Variants in E2F6 observed in about 807,000 individuals in gnomAD.
The protein encoded by E2F6 is transcription factor E2F6.
Under a neutral mutation model 31.5 loss-of-function variants are expected in E2F6, and 19 were observed. That is an observed-to-expected ratio of 0.60 (90% CI 0.42 to 0.89). E2F6 has a LOEUF of 0.89. E2F6 is among the 40% of genes least tolerant of loss of function. The probability of loss-of-function intolerance (pLI) is 0.00; values close to 1 mark genes in which losing one functional copy is unlikely to be tolerated. For missense variants in E2F6, 269 were observed against 341.6 expected, an observed-to-expected ratio of 0.79 and a Z score of 1.67; for synonymous variants, 121 against 127.7, an observed-to-expected ratio of 0.95 and a Z score of 0.36.
chr2:11,465,849 G>C lies in E2F6; in HGVS notation c.31C>G (p.Pro11Ala), dbSNP rs1672171008. MSQQRPARKL[P>A]SLLLDPTEET... ...TCCGTCGGGTCCAGGAGGAGACTGG[G>C]TAACTTCCTCGCCGGCCGCTGCTGA... The change falls in exon 1 of 7, where the codon CCC becomes GCC. Residue 11 changes from proline to alanine, a missense_variant. Coordinates refer to ENST00000381525, the MANE Select transcript of E2F6 (RefSeq NM_198256.4). The C allele has an allele frequency of 6.3e-7, 1 of 1,582,278 alleles. No individual in the cohort carries two copies. The highest frequency in any genetic ancestry group is 8.6e-7 in the Non-Finnish European group (1 of 1,165,252).
At chr2:11,453,047 A>G (rs1482897762) in intron 3 of E2F6, among the ~76,000 whole-genome samples, 1 of 152,256 alleles carries the variant, frequency 6.6e-6, no homozygotes, top group Non-Finnish European at 1.5e-5. Context: ...TTCTAGGTAC[A>G]ACAGCATTCT....
intron 1 of E2F6, among the ~76,000 whole-genome samples, chr2:11,461,532 T>C (rs973168179): frequency 2.0e-5 from 3 of 152,176 alleles, no homozygotes; most frequent in African/African-American, 4.8e-5. Context: ...TTTGTATTTT[T>C]AGTAGAAACG....
chr2:11,450,099 A>G lies in E2F6; in HGVS notation c.564T>C (p.Ile188=). The change falls in exon 5 of 7, where the codon ATT becomes ATC. Residue 188 remains isoleucine, a synonymous_variant. Transcript: ENST00000381525. ...ERLAYVTYQD[I]HSIQAFHEQI... is the part of the protein sequence containing the mutation. ...GTTCATGGAAGGCCTGAATGCTATG[A>G]ATGTCTTGATAGGTCACATATGCTA... The G allele has an allele frequency of 2.5e-6, 4 of 1,613,178 alleles. No homozygotes were observed. The South Asian group carries it at 4.4e-5, about 18-fold the overall frequency.
chr2:11,446,613 GACT>G (rs1383570530), intron 6 of E2F6, 90 bp from the exon 7 acceptor site: 14 of 1,085,304 alleles, frequency 1.3e-5, no homozygotes, highest in Admixed American at 2.0e-5. Flanking sequence ...TACACAATCT[GACT>G]ACTTCAGAAA....
intron 2 of E2F6, among the ~76,000 whole-genome samples, chr2:11,456,558 G>A (rs1671416574): frequency 6.6e-6 from 1 of 152,178 alleles, no homozygotes; most frequent in Non-Finnish European, 1.5e-5. Context: ...AAAGGTCATT[G>A]TGACAATCCA....
At chr2:11,449,249 G>A (rs373989210) in intron 5 of E2F6, among the ~76,000 whole-genome samples, 2 of 152,198 alleles carry the variant, frequency 1.3e-5, no homozygotes, top group East Asian at 1.9e-4. Flanking sequence ...CATACACTGT[G>A]GAGTAATACA....
At chr2:11,463,916 T>C (rs1671941155) in intron 1 of E2F6, among the ~76,000 whole-genome samples, 1 of 126,442 alleles carries the variant, frequency 7.9e-6, no homozygotes, top group African/African-American at 2.9e-5. Flanking sequence ...GCCACTGCAC[T>C]CCAGCCAGGG....
chr2:11,453,484 AT>A (rs1671199975), intron 3 of E2F6, 97 bp downstream of exon 3: 1 of 1,127,430 alleles, frequency 8.9e-7, no homozygotes, highest in Non-Finnish European at 1.3e-6. Flanking sequence ...GTACCTTTGT[AT>A]TATATTGTCA....
intron 1 of E2F6, among the ~76,000 whole-genome samples, chr2:11,464,859 G>A (rs953997597): frequency 6.6e-6 from 1 of 152,122 alleles, no homozygotes; most frequent in East Asian, 1.9e-4. Flanking sequence ...AGGGGAACCA[G>A]GCATAATGAC....
Position 11,445,352 on chromosome 2 carries a change from G to C in E2F6, c.*1125C>G, listed in dbSNP as rs1670655869. 6.6e-6 allele frequency: 1 copy of C among 152,602 alleles called. No homozygotes were observed. Among genetic ancestry groups the C allele is most frequent in the African/African-American group, 2.4e-5 (1 of 41,452 alleles). 9.5% of individuals were successfully genotyped at this position (152,602 alleles called of 1,614,324 possible). A position where few individuals can be genotyped will look rare whatever the true frequency, so the allele number is the denominator to read the frequency against. On this transcript the variant is annotated 3_prime_UTR_variant, in exon 7 of 7. Transcript: ENST00000381525. ...AGGGCCAGGCATGGTGTGAGGCACT[G>C]GGATGTAACAGTGATTATGACAAAG...
chr2:11,458,734 T>A (rs570755979), intron 1 of E2F6, among the ~76,000 whole-genome samples: 34 of 152,242 alleles, frequency 2.2e-4, no homozygotes, highest in Non-Finnish European at 4.6e-4. Context: ...GATTTCCTTA[T>A]CATCTATGAC....
At chr2:11,454,791 CT>C (rs1381744177) in intron 2 of E2F6, among the ~76,000 whole-genome samples, 1 of 152,156 alleles carries the variant, frequency 6.6e-6, no homozygotes, top group African/African-American at 2.4e-5. Context: ...CACATTCACA[CT>C]TGTGTGCCAA....
intron 1 of E2F6, 73 bp downstream of exon 1, chr2:11,465,699 T>TGGC: frequency 6.7e-7 from 1 of 1,490,630 alleles, no homozygotes; most frequent in Non-Finnish European, 9.1e-7. Context: ...CCAGCGGGGT[T>TGGC]GGCGGCGGCG....
chr2:11,453,439 G>A (rs1671197228), intron 3 of E2F6, 143 bp downstream of exon 3: 1 of 811,008 alleles, frequency 1.2e-6, no homozygotes. Context: ...GATGATGCAA[G>A]AAAATTTTAT....
At chr2:11,458,244 C>T in intron 1 of E2F6, 1 of 1,550,000 alleles carries the variant, frequency 6.5e-7, no homozygotes. Flanking sequence ...AGAGAATCAA[C>T]AGCAGTACTA....
In E2F6 at chr2:11,445,051, C is replaced by G. The variant is rs1670638525; in HGVS notation, c.*1426G>C. On this transcript the variant is annotated 3_prime_UTR_variant, in exon 7 of 7. Transcript: ENST00000381525. ...GACTGCTGCAGGAAGGGCTGGTGCT[C>G]AGCAGAGGGACAGGACTGGCAAAAG... is the stretch of plus-strand genomic sequence containing the variant. 1 of 152,242 alleles carries G rather than the reference C, an allele frequency of 6.6e-6. No homozygotes were observed. Among genetic ancestry groups the G allele is most frequent in the East Asian group, 1.9e-4 (1 of 5,202 alleles). The allele number at this position is 152,242 out of a possible 1,614,324, so 9.4% of individuals were successfully genotyped here. A position where few individuals can be genotyped will look rare whatever the true frequency, so the allele number is the denominator to read the frequency against.
Position 11,445,827 on chromosome 2 carries a change from G to C in E2F6, c.*650C>G, listed in dbSNP as rs1670679956. The stretch of plus-strand genomic sequence containing the variant: ...TTAAATCCACAAACATAAATGTGTA[G>C]CACATTTATGATACTTCTACATGTA... On this transcript the variant is annotated 3_prime_UTR_variant, in exon 7 of 7. Transcript: ENST00000381525. The C allele has an allele frequency of 6.6e-6, 1 of 150,742 alleles. No individual in the cohort carries two copies. The highest frequency in any genetic ancestry group is 2.1e-4 in the South Asian group (1 of 4,740). The allele number at this position is 150,742 out of a possible 1,614,324, so 9.3% of individuals were successfully genotyped here. A position where few individuals can be genotyped will look rare whatever the true frequency, so the allele number is the denominator to read the frequency against.
chr2:11,454,306 T>C (rs1042398359), intron 2 of E2F6, among the ~76,000 whole-genome samples: 1 of 152,098 alleles, frequency 6.6e-6, no homozygotes, highest in Non-Finnish European at 1.5e-5. Context: ...ACTAGTCTTC[T>C]ATTAAGACAA....
intron 4 of E2F6, among the ~76,000 whole-genome samples, chr2:11,450,339 A>G (rs1670984480): frequency 1.3e-5 from 2 of 152,212 alleles, no homozygotes; most frequent in African/African-American, 4.8e-5. Context: ...GGGTTTTACA[A>G]TATTTACAAC....
Sources: allele counts gnomAD v4.1 joint callset (sites outside exome capture counted in the v4.1 genomes callset), GRCh38; gene constraint gnomAD v4.1.1; transcripts MANE v1.5; gene names NCBI Gene and HGNC (gene_info 2026-07-23, HGNC 2026-07-21).